Variants in DPP10 observed in about 807,000 individuals in gnomAD.
DPP10 encodes the protein dipeptidyl peptidase like 10, also known as inactive dipeptidyl peptidase 10.
In DPP10, 33 loss-of-function variants were observed where a neutral mutation model predicts 120.9. The ratio of observed to expected loss-of-function variants is 0.27; its 90% confidence interval spans 0.21 to 0.37. DPP10 has a LOEUF of 0.37. Ranked by LOEUF, DPP10 falls within the 10% of genes least tolerant of loss-of-function variation. The pLI is 1.00. For missense variants in DPP10, 816 were observed against 942.8 expected (o/e 0.87, Z 1.76); for synonymous variants, 337 against 326.1 (o/e 1.03, Z -0.36).
rs147315989 is a variant in DPP10, at chr2:114,686,746, C to T, written c.60+243908C>T. 9.7e-4 allele frequency among the ~76,000 whole-genome samples: 147 copies of T among 151,924 alleles called. 1 individual carries two copies. The highest frequency in any genetic ancestry group is 3.1e-3 in the East Asian group (16 of 5,140). ...GTAGAAGACCTGAGCCAGGAAAAAA[C>T]GCAATAATTGTAGTCAAGAGCTTCT... is the stretch of plus-strand genomic sequence containing the variant. On this transcript the variant is annotated intron_variant, in intron 1 of 25. Coordinates refer to ENST00000410059, the MANE Select transcript of DPP10 (RefSeq NM_020868.6).
intron 1 of DPP10, among the ~76,000 whole-genome samples, chr2:114,591,589 C>T (rs1278205127): frequency 7.5e-5 from 10 of 132,890 alleles, no homozygotes; most frequent in Admixed American, 1.6e-4. Flanking sequence ...GAGTCTTGCT[C>T]TGTCACCCAG....
At chr2:115,068,235 T>G (rs1707084236) in intron 1 of DPP10, among the ~76,000 whole-genome samples, 1 of 152,112 alleles carries the variant, frequency 6.6e-6, no homozygotes, top group Non-Finnish European at 1.5e-5. Context: ...CTGATTATCT[T>G]TTGTCTTTTT....
chr2:114,503,005 A>G (rs1190502008), intron 1 of DPP10, among the ~76,000 whole-genome samples: 2 of 152,198 alleles, frequency 1.3e-5, no homozygotes, highest in East Asian at 3.8e-4. Context: ...GTGCGTGTGC[A>G]TATGTGTGAA....
At chr2:114,804,712 A>G (rs565554062) in intron 1 of DPP10, among the ~76,000 whole-genome samples, 1 of 152,254 alleles carries the variant, frequency 6.6e-6, no homozygotes, top group Non-Finnish European at 1.5e-5. Context: ...CACATACCCC[A>G]TCGTAACTAG....
At chr2:115,442,387 G>C (rs1306877806) in intron 3 of DPP10, among the ~76,000 whole-genome samples, 1 of 116,822 alleles carries the variant, frequency 8.6e-6, no homozygotes, top group African/African-American at 5.7e-5. Flanking sequence ...GTGTGTGTGT[G>C]CGTGTGTCGT....
chr2:115,401,350 T>A (rs961651716), intron 3 of DPP10, among the ~76,000 whole-genome samples: 2 of 152,114 alleles, frequency 1.3e-5, no homozygotes, highest in Admixed American at 6.6e-5. Flanking sequence ...GAGGCCAAAC[T>A]GGGAGGATCA....
chr2:114,898,745 C>T (rs1246467632), intron 1 of DPP10, among the ~76,000 whole-genome samples: 1 of 152,164 alleles, frequency 6.6e-6, no homozygotes, highest in Admixed American at 6.5e-5. Context: ...CACAAGAATG[C>T]AGCTCTCAAA....
intron 1 of DPP10, among the ~76,000 whole-genome samples, chr2:115,058,059 G>A (rs1359099550): frequency 6.6e-6 from 1 of 152,210 alleles, no homozygotes; most frequent in African/African-American, 2.4e-5. Flanking sequence ...ACCTGCGATT[G>A]CTCTGCGGGG....
At chr2:114,877,815 G>C (rs1691280232) in intron 1 of DPP10, among the ~76,000 whole-genome samples, 1 of 151,740 alleles carries the variant, frequency 6.6e-6, no homozygotes, top group East Asian at 1.9e-4. Flanking sequence ...TTTTTGTGGG[G>C]GGCTCTTCTG....
intron 3 of DPP10, among the ~76,000 whole-genome samples, chr2:115,417,290 T>A (rs562827044): frequency 7.6e-4 from 115 of 152,200 alleles, no homozygotes; most frequent in African/African-American, 2.7e-3. Flanking sequence ...CCCCAAATAA[T>A]GTAAAAAATA....
At chr2:115,408,851 T>A (rs7594524) in intron 3 of DPP10, among the ~76,000 whole-genome samples, 31,011 of 151,952 alleles carry the variant, frequency 0.2, 3,771 homozygotes, top group East Asian at 0.39. Flanking sequence ...GCCTTAATTT[T>A]AAAAAACATA....
At chr2:115,730,630 G>A (rs1341948892) in intron 8 of DPP10, among the ~76,000 whole-genome samples, 1 of 152,136 alleles carries the variant, frequency 6.6e-6, no homozygotes, top group Admixed American at 6.5e-5. Flanking sequence ...CATTTATAAG[G>A]AAATTTTAAG....
intron 5 of DPP10, among the ~76,000 whole-genome samples, chr2:115,683,348 G>A (rs1021492305): frequency 6.6e-6 from 1 of 151,918 alleles, no homozygotes; most frequent in Non-Finnish European, 1.5e-5. Context: ...GATGGAAGAA[G>A]GGATGAACTC....
At chr2:114,490,791 C>T (rs1012128227) in intron 1 of DPP10, among the ~76,000 whole-genome samples, 10 of 145,016 alleles carry the variant, frequency 6.9e-5, no homozygotes, top group African/African-American at 1.8e-4. Context: ...TATATGGGGG[C>T]GGGGGGTAAT....
At chr2:115,726,624 A>G (rs1237191262) in intron 7 of DPP10, among the ~76,000 whole-genome samples, 1 of 152,096 alleles carries the variant, frequency 6.6e-6, no homozygotes, top group East Asian at 1.9e-4. Context: ...TGAGATTCTC[A>G]CCTGTGGTAT....
At chr2:114,609,223 A>T (rs785035) in intron 1 of DPP10, among the ~76,000 whole-genome samples, 3,829 of 152,228 alleles carry the variant, frequency 0.025, 158 homozygotes, top group African/African-American at 0.086. Context: ...AGACCTATTC[A>T]TTGCTTGATC....
chr2:115,220,041 T>A (rs2057055388), intron 1 of DPP10, among the ~76,000 whole-genome samples: 2 of 152,190 alleles, frequency 1.3e-5, no homozygotes, highest in South Asian at 4.1e-4. Flanking sequence ...GTGATCTTTA[T>A]AAGGGTCAGC....
intron 1 of DPP10, among the ~76,000 whole-genome samples, chr2:114,772,238 A>G (rs1681333410): frequency 6.6e-6 from 1 of 151,906 alleles, no homozygotes; most frequent in Non-Finnish European, 1.5e-5. Context: ...GCTCACTGCA[A>G]CCTCTGCCTC....
chr2:115,430,864 G>T (rs1002081073), intron 3 of DPP10, among the ~76,000 whole-genome samples: 1 of 152,160 alleles, frequency 6.6e-6, no homozygotes, highest in African/African-American at 2.4e-5. Flanking sequence ...TGACAAGTAG[G>T]ACTTAAATGG....
Sources: allele counts gnomAD v4.1 joint callset (sites outside exome capture counted in the v4.1 genomes callset), GRCh38; gene constraint gnomAD v4.1.1; transcripts MANE v1.5; gene names NCBI Gene and HGNC (gene_info 2026-07-23, HGNC 2026-07-21).